The following STRIP2 variants were observed in gnomAD, a reference collection of about 807,000 sequenced individuals.
STRIP2 encodes striatin-interacting protein 2.
A neutral mutation model predicts 107.1 loss-of-function variants in STRIP2; 84 were observed. The ratio of observed to expected loss-of-function variants is 0.78; its 90% CI spans 0.66 to 0.94. The LOEUF is 0.94. Ranked by LOEUF, STRIP2 falls within the 40% of genes least tolerant of loss-of-function variation. STRIP2 has a pLI of 0.00. For synonymous variants in STRIP2, 394 were observed against 400.4 expected, an observed-to-expected ratio of 0.98 and a Z score of 0.19; for missense variants, 888 against 1,034.2, an observed-to-expected ratio of 0.86 and a Z score of 1.94.
rs574336092 is a variant in STRIP2 at position 129,434,680 on chromosome 7, G to T, written c.129+79G>T. 9.4e-6 allele frequency: 13 copies of T among 1,378,030 alleles called. No homozygotes were observed. The East Asian group carries it at 3.3e-4, about 35-fold the overall frequency. 85.4% of individuals were successfully genotyped at this position (1,378,030 alleles called of 1,614,324 possible). On this transcript the variant is annotated intron_variant, in intron 1 of 20. Transcript: ENST00000249344. ...GCGGCGGCTGAGGTGATTCGGCCTC[G>T]GCCCCGGAGCCCTCGGCGCGCTCGA...
In STRIP2 at chr7:129,487,188, T is replaced by C. The variant is rs1799262451; in HGVS notation, c.*1359T>C. On this transcript the variant is annotated 3_prime_UTR_variant, in exon 21 of 21. Coordinates refer to ENST00000249344, the MANE Select transcript of STRIP2 (RefSeq NM_020704.3). Reference sequence around the variant, plus strand: ...ACCACCATGCCTGGCTAATTTTTTGTATTTTTAGTAGAAACAGGGTTTCAC... The same window carrying C: ...ACCACCATGCCTGGCTAATTTTTTGCATTTTTAGTAGAAACAGGGTTTCAC... 1 of 152,136 alleles carries C rather than the reference T, an allele frequency of 6.6e-6. No homozygotes were observed. Among genetic ancestry groups the C allele is most frequent in the Admixed American group, 6.6e-5 (1 of 15,244 alleles). The allele number at this position is 152,136 out of a possible 1,614,324, so 9.4% of individuals were successfully genotyped here.
intron 2 of STRIP2, among the ~76,000 whole-genome samples, chr7:129,440,818 T>C (rs1034500483): frequency 6.6e-6 from 1 of 152,176 alleles, no homozygotes; most frequent in African/African-American, 2.4e-5. Flanking sequence ...TGGGTGGAGA[T>C]GTGTGAAATT....
chr7:129,456,505 C>G lies in STRIP2; in HGVS notation c.901C>G (p.Pro301Ala), dbSNP rs565845364. 19 of 1,614,058 alleles carry G rather than the reference C, an allele frequency of 1.2e-5. No individual in the cohort carries two copies. The highest frequency in any genetic ancestry group is 1.6e-5 in the Non-Finnish European group (19 of 1,180,010). The change falls in exon 9 of 21, where the codon CCT (proline) becomes GCT (alanine). Residue 301 changes from proline (P) to alanine (A), a missense_variant. By Grantham distance (27) the Pro-to-Ala change is conservative (BLOSUM62 -1). Transcript: ENST00000249344. ...ACAGAAGCGGGCAGAATTGGGCCTG[C>G]CTCCACTGGCTGAAGACAGTATCCA... ...KVQKRAELGL[P>A]PLAEDSIQVV...
chr7:129,462,508 A>G (rs181161356), intron 13 of STRIP2, among the ~76,000 whole-genome samples: 2 of 152,342 alleles, frequency 1.3e-5, no homozygotes, highest in Admixed American at 1.3e-4. Context: ...AAAGTGATGT[A>G]GGGGCTAATG....
chr7:129,456,047 A>G (rs1798338339), intron 8 of STRIP2, among the ~76,000 whole-genome samples: 1 of 152,078 alleles, frequency 6.6e-6, no homozygotes, highest in Admixed American at 6.5e-5. Context: ...AGGCAGGCCT[A>G]ATAGGGGGAA....
chr7:129,443,997 G>A, intron 2 of STRIP2, 27 bp from the exon 3 acceptor site: 8 of 1,584,740 alleles, frequency 5.0e-6, no homozygotes, highest in Non-Finnish European at 6.9e-6. Context: ...TCTCCCGAAT[G>A]TGACTGTTCT....
chr7:129,458,009 T>A lies in STRIP2; in HGVS notation c.1039-206T>A. The A allele has an allele frequency of 1.6e-6, 1 of 612,514 alleles. No individual in the cohort carries two copies. Among genetic ancestry groups the A allele is most frequent in the African/African-American group, 1.8e-5 (1 of 54,954 alleles). The allele number at this position is 612,514 out of a possible 1,614,324, so 37.9% of individuals were successfully genotyped here. On this transcript the variant is annotated intron_variant, in intron 9 of 20. Transcript: ENST00000249344. The surrounding 1 kb of genome is among the most constrained non-coding windows in gnomAD (Gnocchi z 4.6). Reference sequence around the variant, plus strand: ...TATCTATGCTATGTTCCCTGGCTAATGGCAGGGTTACCTGAGAACTTCTTG... The same window carrying A: ...TATCTATGCTATGTTCCCTGGCTAAAGGCAGGGTTACCTGAGAACTTCTTG...
intron 16 of STRIP2, among the ~76,000 whole-genome samples, chr7:129,466,925 C>T (rs2151009376): frequency 6.6e-6 from 1 of 152,340 alleles, no homozygotes; most frequent in South Asian, 2.1e-4. Context: ...CTGTCACCAT[C>T]CTGACTGAGT....
In STRIP2 at chr7:129,460,327, G is replaced by A. The variant is rs1211571947; in HGVS notation, c.1431G>A (p.Val477=). 1 of 1,613,994 alleles carries A rather than the reference G, an allele frequency of 6.2e-7. No individual in the cohort carries two copies. The highest frequency in any genetic ancestry group is 8.5e-7 in the Non-Finnish European group (1 of 1,179,948). Residue 477 remains valine, a synonymous_variant, in exon 13 of 21, where the codon GTG becomes GTA. Transcript: ENST00000249344. The part of the protein sequence containing the change: ...KQHKYISIAD[V]QIKNEEELEK... ...ACAAGTATATCTCCATCGCAGATGT[G>A]CAGATCAAGAATGAAGAGGAGCTGG...
intron 1 of STRIP2, among the ~76,000 whole-genome samples, chr7:129,437,625 TTCTG>T (rs1203087189): frequency 9.2e-5 from 14 of 152,100 alleles, no homozygotes; most frequent in African/African-American, 1.9e-4. Context: ...TATTCTGAGA[TTCTG>T]TCTTTCATTT....
chr7:129,463,901 A>T (rs1798605931), intron 14 of STRIP2, 143 bp from the exon 15 acceptor site: 3 of 654,322 alleles, frequency 4.6e-6, no homozygotes, highest in Non-Finnish European at 8.1e-6. Context: ...GCTTTTCTGG[A>T]TGCTGGGGAG....
At chr7:129,479,682 G>A (rs1799068907) in intron 18 of STRIP2, among the ~76,000 whole-genome samples, 1 of 151,872 alleles carries the variant, frequency 6.6e-6, no homozygotes, top group Admixed American at 6.6e-5. Context: ...AGTAGAAATG[G>A]AGTTTCACCA....
Position 129,458,529 on chromosome 7 carries a change from T to G in STRIP2, c.1274+79T>G. The G allele has an allele frequency of 7.5e-7, 1 of 1,333,874 alleles. No individual in the cohort carries two copies. Among genetic ancestry groups the G allele is most frequent in the Non-Finnish European group, 1.0e-6 (1 of 976,950 alleles). The allele number at this position is 1,333,874 out of a possible 1,614,324, so 82.6% of individuals were successfully genotyped here. On this transcript the variant is annotated intron_variant, in intron 10 of 20. Transcript: ENST00000249344. This position sits in a 1 kb window ranked among gnomAD's most constrained non-coding sequence, Gnocchi z 4.6. ...GCCCAAGATGGGGTAGTCTATGTAT[T>G]CAAGGCTCGTTAAGTTGGTCTGGCA...
intron 2 of STRIP2, among the ~76,000 whole-genome samples, chr7:129,441,074 G>T (rs1335175609): frequency 6.6e-6 from 1 of 151,902 alleles, no homozygotes; most frequent in Non-Finnish European, 1.5e-5. Context: ...AATGGGCAAA[G>T]AATATAAATG....
At chr7:129,451,892 C>G (rs1584944124) in intron 4 of STRIP2, 145 bp downstream of exon 4, 2 of 952,714 alleles carry the variant, frequency 2.1e-6, no homozygotes, top group East Asian at 5.0e-5. Context: ...CTAGGAGTAA[C>G]CTGTGCTTAT....
At chr7:129,444,342 G>C (rs1797979592) in intron 3 of STRIP2, among the ~76,000 whole-genome samples, 1 of 152,190 alleles carries the variant, frequency 6.6e-6, no homozygotes, top group Non-Finnish European at 1.5e-5. Context: ...AGCAAGGAGA[G>C]CCAGTCTGAG....
At chr7:129,441,882 C>T (rs1261578085) in intron 2 of STRIP2, among the ~76,000 whole-genome samples, 1 of 152,218 alleles carries the variant, frequency 6.6e-6, no homozygotes, top group East Asian at 1.9e-4. Flanking sequence ...CTCCAAAGTG[C>T]TGGGACTACA....
chr7:129,450,126 T>A (rs1360228365), intron 3 of STRIP2, among the ~76,000 whole-genome samples: 2 of 152,194 alleles, frequency 1.3e-5, no homozygotes, highest in Non-Finnish European at 2.9e-5. Context: ...TTTCTTAGCA[T>A]TTTTGGATCT....
In STRIP2 at chr7:129,458,881, C is replaced by T; in HGVS notation, c.1340+104C>T. 9.2e-7 allele frequency: 1 copy of T among 1,092,744 alleles called. No homozygotes were observed. The highest frequency in any genetic ancestry group is 1.3e-5 in the South Asian group (1 of 77,078). The allele number at this position is 1,092,744 out of a possible 1,614,324, so 67.7% of individuals were successfully genotyped here. On this transcript the variant is annotated intron_variant, in intron 11 of 20. Transcript: ENST00000249344. This position sits in a 1 kb window ranked among gnomAD's most constrained non-coding sequence, Gnocchi z 4.6. ...TGGTGCCTGGTGGTCATAATGTAAC[C>T]TAGAGCCCCTAGGCCATGGACAACT...
Sources: gnomAD v4.1 joint callset for allele counts (sites outside exome capture counted in the v4.1 genomes callset) on GRCh38, gnomAD v4.1.1 for gene constraint, Gnocchi (gnomAD v3.1) non-coding constraint, MANE v1.5 for transcripts, NCBI Gene and HGNC (gene_info 2026-07-23, HGNC 2026-07-21) for gene names.